The following KIF26B variants were observed in gnomAD, a reference collection of about 807,000 sequenced individuals.
KIF26B encodes kinesin-like protein KIF26B.
In KIF26B, 63 loss-of-function variants were observed where a neutral mutation model predicts 151.2. The observed-to-expected ratio is 0.42, with a 90% CI of 0.34 to 0.51. The LOEUF (loss-of-function observed/expected upper bound fraction) is 0.51. Among genes scored for constraint, KIF26B ranks in the 20% least tolerant of loss-of-function variants. The pLI, the probability that KIF26B is intolerant of heterozygous loss-of-function variation, is 0.07. For missense variants in KIF26B, 2,813 were observed against 2,913.6 expected, an observed-to-expected ratio of 0.97 and a Z score of 0.79; for synonymous variants, 1,357 against 1,262.1, an observed-to-expected ratio of 1.08 and a Z score of -1.59.
At chr1:245,252,106 T>G (rs1670455417) in intron 2 of KIF26B, among the ~76,000 whole-genome samples, 1 of 151,548 alleles carries the variant, frequency 6.6e-6, no homozygotes. Flanking sequence ...CTGCTAAAAA[T>G]ACTACTAAAA....
At chr1:245,459,558 G>A (rs1659605249) in intron 4 of KIF26B, among the ~76,000 whole-genome samples, 3 of 152,162 alleles carry the variant, frequency 2.0e-5, no homozygotes, top group African/African-American at 7.2e-5. Flanking sequence ...CACTGGTGTG[G>A]CCTACATAGC....
At chr1:245,365,646 G>A (rs999932437) in intron 2 of KIF26B, among the ~76,000 whole-genome samples, 1 of 152,136 alleles carries the variant, frequency 6.6e-6, no homozygotes, top group African/African-American at 2.4e-5. Context: ...GCCTTGAGAT[G>A]AGCGTTATCA....
chr1:245,650,449 G>A (rs1394613567), intron 10 of KIF26B, among the ~76,000 whole-genome samples: 4 of 152,340 alleles, frequency 2.6e-5, no homozygotes, highest in Admixed American at 6.5e-5. Flanking sequence ...ACTGAGCTTC[G>A]GCTAACGGGT....
intron 2 of KIF26B, among the ~76,000 whole-genome samples, chr1:245,339,549 T>C (rs977223145): frequency 2.0e-5 from 3 of 152,216 alleles, no homozygotes; most frequent in Admixed American, 6.5e-5. Context: ...ATGTATATTA[T>C]CATAAAATAG....
intron 9 of KIF26B, among the ~76,000 whole-genome samples, chr1:245,629,111 T>C (rs1379275337): frequency 6.6e-6 from 1 of 151,990 alleles, no homozygotes; most frequent in Non-Finnish European, 1.5e-5. Context: ...CACAAACAAA[T>C]GGAAAAACAT....
intron 4 of KIF26B, among the ~76,000 whole-genome samples, chr1:245,456,352 G>A (rs901208886): frequency 2.6e-5 from 4 of 152,176 alleles, no homozygotes; most frequent in Admixed American, 6.5e-5. Context: ...ACACATCTGC[G>A]TTTATTTCCT....
chr1:245,566,084 G>C (rs937537969), intron 5 of KIF26B, among the ~76,000 whole-genome samples: 18 of 152,204 alleles, frequency 1.2e-4, no homozygotes, highest in Non-Finnish European at 2.2e-4. Flanking sequence ...AGGGATCTGC[G>C]GCCATGATCC....
At chr1:245,179,329 C>A (rs1406237592) in intron 2 of KIF26B, among the ~76,000 whole-genome samples, 1 of 152,158 alleles carries the variant, frequency 6.6e-6, no homozygotes, top group African/African-American at 2.4e-5. Context: ...ACTATGGATT[C>A]AAAAACAAAG....
At chr1:245,562,706 T>C (rs569529185) in intron 5 of KIF26B, among the ~76,000 whole-genome samples, 4 of 151,330 alleles carry the variant, frequency 2.6e-5, no homozygotes, top group Non-Finnish European at 5.9e-5. Flanking sequence ...TGAAAAATCA[T>C]TGCCCTTTTT....
At chr1:245,245,995 G>A (rs1397892493) in intron 2 of KIF26B, among the ~76,000 whole-genome samples, 1 of 151,604 alleles carries the variant, frequency 6.6e-6, no homozygotes, top group Admixed American at 6.6e-5. Context: ...AGGAGGCTGA[G>A]GCAGGAGAAT....
intron 5 of KIF26B, among the ~76,000 whole-genome samples, chr1:245,573,568 T>G (rs1337139379): frequency 6.6e-6 from 1 of 152,010 alleles, no homozygotes; most frequent in African/African-American, 2.4e-5. Context: ...AAGATTAGCT[T>G]CCTCTGAAGT....
At chr1:245,518,493 T>C (rs1241574572) in intron 4 of KIF26B, among the ~76,000 whole-genome samples, 1 of 152,206 alleles carries the variant, frequency 6.6e-6, no homozygotes, top group East Asian at 1.9e-4. Context: ...TCTAAACAAC[T>C]TGATTTCACT....
rs2044786120 is a variant in KIF26B at position 245,702,537 on chromosome 1, C to T, written c.6258C>T (p.Ser2086=). 1.2e-6 allele frequency: 2 copies of T among 1,613,936 alleles called. No homozygotes were observed. The highest frequency in any genetic ancestry group is 1.7e-6 in the Non-Finnish European group (2 of 1,179,890). Residue 2086 remains serine (S), a synonymous_variant, in exon 15 of 15, where the codon AGC becomes AGT. Transcript: ENST00000407071. This position sits in a 1 kb window ranked among gnomAD's most constrained non-coding sequence, Gnocchi z 4.1. The part of the protein sequence containing the change: ...ALECVTERLE[S]RVNFCKAHLM... ...AGTGTGTGACGGAGCGCCTGGAGAGCCGTGTCAACTTCTGCAAGGCCCATC... is the reference window on the plus strand; with the variant it reads ...AGTGTGTGACGGAGCGCCTGGAGAGTCGTGTCAACTTCTGCAAGGCCCATC...
rs1042682817 is a variant in KIF26B at position 245,702,846 on chromosome 1, G to T, written c.*240G>T. The T allele has an allele frequency of 1.4e-5, 6 of 434,360 alleles. No homozygotes were observed. Among genetic ancestry groups the T allele is most frequent in the African/African-American group, 1.2e-4 (6 of 50,782 alleles). The allele number at this position is 434,360 out of a possible 1,614,324, so 26.9% of individuals were successfully genotyped here. On this transcript the variant is annotated 3_prime_UTR_variant, in exon 15 of 15. Coordinates refer to ENST00000407071, the MANE Select transcript of KIF26B (RefSeq NM_018012.4). The surrounding 1 kb of genome is among the most constrained non-coding windows in gnomAD (Gnocchi z 4.1). ...GAAGCCCGAGGGGTGTCCAAGCCCT[G>T]TGAGACTGAAAAAGCACTTTGAGGA...
At chr1:245,256,646 C>T (rs1054088607) in intron 2 of KIF26B, among the ~76,000 whole-genome samples, 1 of 152,180 alleles carries the variant, frequency 6.6e-6, no homozygotes, top group Admixed American at 6.5e-5. Flanking sequence ...CTAAAGTCAG[C>T]CTGAAATGCT....
intron 4 of KIF26B, among the ~76,000 whole-genome samples, chr1:245,489,804 A>G (rs1393443598): frequency 6.6e-6 from 1 of 152,174 alleles, no homozygotes; most frequent in Non-Finnish European, 1.5e-5. Context: ...TTCTTCTACT[A>G]TTCACAATAA....
At chr1:245,691,156 T>A (rs530032019) in intron 12 of KIF26B, among the ~76,000 whole-genome samples, 2 of 151,406 alleles carry the variant, frequency 1.3e-5, no homozygotes, top group African/African-American at 2.5e-5. Flanking sequence ...CAGGTTTTTG[T>A]TTTTTTCCCC....
intron 10 of KIF26B, among the ~76,000 whole-genome samples, chr1:245,650,844 G>C (rs963937416): frequency 7.2e-5 from 11 of 152,160 alleles, no homozygotes; most frequent in African/African-American, 2.7e-4. Flanking sequence ...GCTTCTCCCA[G>C]TCATCTTGAA....
intron 2 of KIF26B, among the ~76,000 whole-genome samples, chr1:245,202,267 G>GTACC (rs1669313093): frequency 2.2e-5 from 3 of 138,562 alleles, no homozygotes; most frequent in Middle Eastern, 3.7e-3. Flanking sequence ...CACTCCTTGT[G>GTACC]TACCCTCTAC....
Sources: gnomAD v4.1 joint callset for allele counts (sites outside exome capture counted in the v4.1 genomes callset) on GRCh38, gnomAD v4.1.1 for gene constraint, Gnocchi (gnomAD v3.1) non-coding constraint, MANE v1.5 for transcripts, NCBI Gene and HGNC (gene_info 2026-07-23, HGNC 2026-07-21) for gene names.